The following FZD4 variants were observed in gnomAD, a reference collection of about 807,000 sequenced individuals.
FZD4 encodes frizzled class receptor 4.
FZD4 carries 16 observed loss-of-function variants against 37.3 expected under a neutral mutation model. The observed-to-expected ratio is 0.43, with a 90% CI of 0.29 to 0.65. FZD4 has a LOEUF of 0.65. Among genes scored for constraint, FZD4 ranks in the 30% least tolerant of loss-of-function variants. The probability of loss-of-function intolerance (pLI) is 0.16; values close to 1 mark genes in which losing one functional copy is unlikely to be tolerated. For missense variants in FZD4, 599 were observed against 674.3 expected (o/e 0.89, Z 1.24); for synonymous variants, 246 against 254.8 (o/e 0.97, Z 0.33).
At position 86,951,950 on chromosome 11, in the gene FZD4, T is replaced by A; in HGVS notation, c.806A>T (p.Tyr269Phe). ...CCGGCCTACAGTCAGCCTGACAATA[T>A]AAGCAATGCTATAAATATTATAGCA... ...SMCYNIYSIA[Y>F]IVRLTVGRER... The change falls in exon 2 of 2, where the codon TAT becomes TTT. Residue 269 changes from tyrosine (Y) to phenylalanine (F), a missense_variant. Transcript: ENST00000531380. 1.2e-6 allele frequency: 2 copies of A among 1,613,848 alleles called. No homozygotes were observed. Among genetic ancestry groups the A allele is most frequent in the South Asian group, 2.2e-5 (2 of 91,062 alleles).
chr11:86,951,434 G>GA lies in FZD4; in HGVS notation c.1321dup (p.Ser441PhefsTer18). 6.2e-7 allele frequency: 1 copy of GA among 1,613,196 alleles called. No homozygotes were observed. On this transcript the variant is annotated frameshift_variant, in exon 2 of 2. Coordinates refer to ENST00000531380, the MANE Select transcript of FZD4 (RefSeq NM_012193.4). LOFTEE classifies it high-confidence loss of function. ...CGTTGCAGGAACTGTGTACAGTACT[G>GA]AGAACACCCCAATCTTGACCATCAG...
In FZD4 at chr11:86,950,259, T is replaced by C. The variant is rs745378991; in HGVS notation, c.*883A>G. 6.5e-6 allele frequency: 1 copy of C among 152,708 alleles called. No homozygotes were observed. Among genetic ancestry groups the C allele is most frequent in the Non-Finnish European group, 1.5e-5 (1 of 68,056 alleles). 9.5% of individuals were successfully genotyped at this position (152,708 alleles called of 1,614,324 possible). A position where few individuals can be genotyped will look rare whatever the true frequency, so the allele number is the denominator to read the frequency against. ...CCCACTGCTCAATGCAATAGGTCTCTGGGGTCCGTCAGGTAAGTCAACTTA... is the reference window on the plus strand; with the variant it reads ...CCCACTGCTCAATGCAATAGGTCTCCGGGGTCCGTCAGGTAAGTCAACTTA... On this transcript the variant is annotated 3_prime_UTR_variant, in exon 2 of 2. Coordinates refer to ENST00000531380, the MANE Select transcript of FZD4 (RefSeq NM_012193.4).
At chr11:86,954,358 A>G (rs1590945038) in intron 1 of FZD4, 1 of 985,262 alleles carries the variant, frequency 1.0e-6, no homozygotes, top group South Asian at 4.7e-5. Flanking sequence ...CAGCAGAAAA[A>G]GGTGCAGTAG....
In FZD4 at chr11:86,955,160, G is replaced by T; in HGVS notation, c.-75C>A. On this transcript the variant is annotated 5_prime_UTR_variant, in exon 1 of 2. Transcript: ENST00000531380. ...CACCCCCAGTTTGCACGGGGGCGCC[G>T]GCTGCCCGCGCTGCTCCCAGCTCCC... 1 of 1,180,636 alleles carries T rather than the reference G, an allele frequency of 8.5e-7. No individual in the cohort carries two copies. Among genetic ancestry groups the T allele is most frequent in the Non-Finnish European group, 1.1e-6 (1 of 894,630 alleles). The allele number at this position is 1,180,636 out of a possible 1,614,324, so 73.1% of individuals were successfully genotyped here.
intron 1 of FZD4, chr11:86,952,738 T>C (rs1949305612): frequency 5.7e-6 from 2 of 351,426 alleles, no homozygotes; most frequent in Non-Finnish European, 1.0e-5. Flanking sequence ...GTCTGAAGAA[T>C]TGCATAAGCC....
chr11:86,952,363 G>A lies in FZD4; in HGVS notation c.393C>T (p.Val131=). Residue 131 remains valine (V), a synonymous_variant, in exon 2 of 2, where the codon GTC becomes GTT. Coordinates refer to ENST00000531380, the MANE Select transcript of FZD4 (RefSeq NM_012193.4). ...GCCAGGCAAATCCAAATTCCTTCAG[G>A]ACGGGTTCACAGCGTCTCTTGACTG... The part of the protein sequence containing the change: ...CLSVKRRCEP[V]LKEFGFAWPE... 6.2e-7 allele frequency: 1 copy of A among 1,614,194 alleles called. No individual in the cohort carries two copies. Among genetic ancestry groups the A allele is most frequent in the Non-Finnish European group, 8.5e-7 (1 of 1,180,044 alleles).
rs925890821 is a variant in FZD4 at position 86,950,824 on chromosome 11, G to A, written c.*318C>T. On this transcript the variant is annotated 3_prime_UTR_variant, in exon 2 of 2. Transcript: ENST00000531380. ...CCACCCTGCAGGGGAAAACAGTATC[G>A]CCCTGGACTTCCTGGAATCTAGGCA... 7 of 424,178 alleles carry A rather than the reference G, an allele frequency of 1.7e-5. No homozygotes were observed. Among genetic ancestry groups the A allele is most frequent in the East Asian group, 9.9e-5 (2 of 20,196 alleles). The allele number at this position is 424,178 out of a possible 1,614,324, so 26.3% of individuals were successfully genotyped here.
In FZD4 at chr11:86,951,817, T is replaced by C. The variant is rs761000333; in HGVS notation, c.939A>G (p.Gly313=). The change falls in exon 2 of 2, where the codon GGA becomes GGG. Residue 313 remains glycine (G), a synonymous_variant. Coordinates refer to ENST00000531380, the MANE Select transcript of FZD4 (RefSeq NM_012193.4). ...AIIFLLMYFF[G]MASSIWWVIL... ...TAACCCACCAAATGGAGCTGGCCAT[T>C]CCAAAAAAGTACATCAGCAAGAAAA... is the stretch of plus-strand genomic sequence containing the variant. The C allele has an allele frequency of 1.3e-5, 21 of 1,613,808 alleles. No individual in the cohort carries two copies. Among genetic ancestry groups the C allele is most frequent in the Middle Eastern group, 1.6e-4 (1 of 6,084 alleles).
chr11:86,955,235 C>A lies in FZD4; in HGVS notation c.-150G>T. The A allele has an allele frequency of 8.8e-6, 5 of 568,720 alleles. No individual in the cohort carries two copies. Among genetic ancestry groups the A allele is most frequent in the Non-Finnish European group, 1.4e-5 (5 of 347,538 alleles). 35.2% of individuals were successfully genotyped at this position (568,720 alleles called of 1,614,324 possible). A position where few individuals can be genotyped will look rare whatever the true frequency, so the allele number is the denominator to read the frequency against. On this transcript the variant is annotated 5_prime_UTR_variant, in exon 1 of 2. Coordinates refer to ENST00000531380, the MANE Select transcript of FZD4 (RefSeq NM_012193.4). ...GAGGGGGCAGCGGCCGGCTCTCCAG[C>A]AGCTGCGCGCGACTGTGTGGGATTT...
In FZD4 at chr11:86,951,118, A is replaced by G. The variant is rs1379565939; in HGVS notation, c.*24T>C. On this transcript the variant is annotated 3_prime_UTR_variant, in exon 2 of 2. Coordinates refer to ENST00000531380, the MANE Select transcript of FZD4 (RefSeq NM_012193.4). Reference sequence around the variant, plus strand: ...GCTGGCATTCCCCCCTTCAAAATGAAGAAAGCATGGAGGCTGACTAGCCTT... The same window carrying G: ...GCTGGCATTCCCCCCTTCAAAATGAGGAAAGCATGGAGGCTGACTAGCCTT... 3 of 1,612,628 alleles carry G rather than the reference A, an allele frequency of 1.9e-6. No individual in the cohort carries two copies. Among genetic ancestry groups the G allele is most frequent in the East Asian group, 4.5e-5 (2 of 44,900 alleles).
In FZD4 at chr11:86,950,910, T is replaced by C; in HGVS notation, c.*232A>G. ...GATCAACGTTTTGATTTTTCACAGC[T>C]TTGAAAGCCTCTAACTGGCTTTTCC... On this transcript the variant is annotated 3_prime_UTR_variant, in exon 2 of 2. Coordinates refer to ENST00000531380, the MANE Select transcript of FZD4 (RefSeq NM_012193.4). 1 of 593,046 alleles carries C rather than the reference T, an allele frequency of 1.7e-6. No individual in the cohort carries two copies. The highest frequency in any genetic ancestry group is 3.0e-6 in the Non-Finnish European group (1 of 334,076). The allele number at this position is 593,046 out of a possible 1,614,324, so 36.7% of individuals were successfully genotyped here. A position where few individuals can be genotyped will look rare whatever the true frequency, so the allele number is the denominator to read the frequency against.
rs1266462157 is a variant in FZD4, at chr11:86,948,264, T to TG, written c.*2877dup. 1 of 152,176 alleles carries TG rather than the reference T, an allele frequency of 6.6e-6. No individual in the cohort carries two copies. Among genetic ancestry groups the TG allele is most frequent in the Non-Finnish European group, 1.5e-5 (1 of 68,036 alleles). 9.4% of individuals were successfully genotyped at this position (152,176 alleles called of 1,614,324 possible). Reference sequence around the variant, plus strand: ...AACAGATGGGAATTCCAGAGGTCCCTGCTCCTTTCCCAGAGGAACAGTAAA... The same window carrying TG: ...AACAGATGGGAATTCCAGAGGTCCCTGGCTCCTTTCCCAGAGGAACAGTAAA... On this transcript the variant is annotated 3_prime_UTR_variant, in exon 2 of 2. Transcript: ENST00000531380.
At chr11:86,954,258 T>A (rs76524171) in intron 1 of FZD4, 1 of 984,958 alleles carries the variant, frequency 1.0e-6, no homozygotes, top group African/African-American at 1.7e-5. Context: ...TGCCTTCAAC[T>A]GTGAGGATAA....
rs80358294 is a variant in FZD4 at position 86,951,506 on chromosome 11, C to T, written c.1250G>A (p.Arg417Gln). ...AAGLVALFKI[R>Q]SNLQKDGTKT... ...TGTCCCATCCTTTTGAAGATTTGAC[C>T]GAATTTTGAACAAGGCCACCAAACC... The change falls in exon 2 of 2, where the codon CGG (arginine) becomes CAG (glutamine). Residue 417 changes from arginine (R) to glutamine (Q), a missense_variant. Coordinates refer to ENST00000531380, the MANE Select transcript of FZD4 (RefSeq NM_012193.4). The T allele has an allele frequency of 3.1e-6, 5 of 1,614,092 alleles. No individual in the cohort carries two copies. The highest frequency in any genetic ancestry group is 1.6e-4 in the Middle Eastern group (1 of 6,062).
rs1428646109 is a variant in FZD4, at chr11:86,949,867, G to T, written c.*1275C>A. The T allele has an allele frequency of 6.6e-6, 1 of 152,626 alleles. No individual in the cohort carries two copies. Among genetic ancestry groups the T allele is most frequent in the Non-Finnish European group, 1.5e-5 (1 of 68,036 alleles). The allele number at this position is 152,626 out of a possible 1,614,324, so 9.5% of individuals were successfully genotyped here. A position where few individuals can be genotyped will look rare whatever the true frequency, so the allele number is the denominator to read the frequency against. On this transcript the variant is annotated 3_prime_UTR_variant, in exon 2 of 2. Coordinates refer to ENST00000531380, the MANE Select transcript of FZD4 (RefSeq NM_012193.4). Reference sequence around the variant, plus strand: ...CAGTGAAATCTTACAAGGAGCCTTTGCCAATTACTAGGAAACAATTACGCA... The same window carrying T: ...CAGTGAAATCTTACAAGGAGCCTTTTCCAATTACTAGGAAACAATTACGCA...
rs777153219 is a variant in FZD4 at position 86,954,844 on chromosome 11, G to A, written c.242C>T (p.Thr81Ile). The change falls in exon 1 of 2, where the codon ACT (threonine) becomes ATT (isoleucine). Residue 81 changes from threonine (T) to isoleucine (I), a missense_variant. Thr to Ile is a moderately conservative substitution (Grantham distance 89). Coordinates refer to ENST00000531380, the MANE Select transcript of FZD4 (RefSeq NM_012193.4). Reference protein sequence around the residue: ...LQTDAELQLTTFTPLIQYGCS... With the variant: ...LQTDAELQLTIFTPLIQYGCS... ...GCCGTACTGGATGAGCGGTGTGAAAGTTGTCAGCTGCAGCTCGGCGTCCGT... is the reference window on the plus strand; with the variant it reads ...GCCGTACTGGATGAGCGGTGTGAAAATTGTCAGCTGCAGCTCGGCGTCCGT... 5 of 1,613,080 alleles carry A rather than the reference G, an allele frequency of 3.1e-6. No homozygotes were observed. Among genetic ancestry groups the A allele is most frequent in the Non-Finnish European group, 4.2e-6 (5 of 1,179,792 alleles).
chr11:86,953,008 C>T (rs1011122317), intron 1 of FZD4: 1 of 153,716 alleles, frequency 6.5e-6, no homozygotes, highest in Non-Finnish European at 1.4e-5. Flanking sequence ...AAATGAGACA[C>T]TGTTAGACTC....
rs563987584 is a variant in FZD4 at position 86,948,941 on chromosome 11, C to T, written c.*2201G>A. On this transcript the variant is annotated 3_prime_UTR_variant, in exon 2 of 2. Transcript: ENST00000531380. ...CACCAGAGCAGAGCGTGAGTAAGGG[C>T]AGGCTCTGCCCCTGGGTGCGTGCTC... The T allele has an allele frequency of 6.5e-6, 1 of 152,804 alleles. No individual in the cohort carries two copies. Among genetic ancestry groups the T allele is most frequent in the Non-Finnish European group, 1.5e-5 (1 of 68,056 alleles). The allele number at this position is 152,804 out of a possible 1,614,324, so 9.5% of individuals were successfully genotyped here. A position where few individuals can be genotyped will look rare whatever the true frequency, so the allele number is the denominator to read the frequency against.
chr11:86,953,411 C>A (rs1204374046), intron 1 of FZD4, among the ~76,000 whole-genome samples: 3 of 152,166 alleles, frequency 2.0e-5, no homozygotes, highest in Non-Finnish European at 4.4e-5. Context: ...GCTGGAGGAT[C>A]ATTTCTTAAG....
Sources: allele counts gnomAD v4.1 joint callset (sites outside exome capture counted in the v4.1 genomes callset), GRCh38; gene constraint gnomAD v4.1.1; transcripts MANE v1.5; gene names NCBI Gene and HGNC (gene_info 2026-07-23, HGNC 2026-07-21).